The following ATP9B variants were observed in gnomAD, a reference collection of about 807,000 sequenced individuals.
The protein encoded by ATP9B is probable phospholipid-transporting ATPase IIB.
Under a neutral mutation model 146.1 loss-of-function variants are expected in ATP9B, and 110 were observed. The observed-to-expected ratio is 0.75, with a 90% CI of 0.65 to 0.88. The LOEUF (loss-of-function observed/expected upper bound fraction) is 0.88. Among genes scored for constraint, ATP9B ranks in the 40% least tolerant of loss-of-function variants. ATP9B has a pLI of 0.00. For synonymous variants in ATP9B, 604 were observed against 569.7 expected, an observed-to-expected ratio of 1.06 and a Z score of -0.86; for missense variants, 1,499 against 1,496.4, an observed-to-expected ratio of 1.00 and a Z score of -0.03.
Position 79,373,935 on chromosome 18 carries a change from G to T in ATP9B, c.3108G>T (p.Glu1036Asp). 1 of 1,613,524 alleles carries T rather than the reference G, an allele frequency of 6.2e-7. No homozygotes were observed. The highest frequency in any genetic ancestry group is 2.2e-5 in the East Asian group (1 of 44,878). The change falls in exon 28 of 30, where the codon GAG becomes GAT. Residue 1036 changes from glutamate (E) to aspartate (D), a missense_variant. Transcript: ENST00000426216. ...ILMYGALVLF[E>D]SEFVHVVAIS... ...TGTATGGGGCCCTGGTGCTCTTCGA[G>T]TCTGAGTTCGTCCACGTGGTGGCCA...
rs375704520 is a variant in ATP9B, at chr18:79,344,360, G to T, written c.2472+6G>T. 1.2e-6 allele frequency: 2 copies of T among 1,613,724 alleles called. No homozygotes were observed. Among genetic ancestry groups the T allele is most frequent in the Non-Finnish European group, 8.5e-7 (1 of 1,179,678 alleles). On this transcript the variant is annotated splice_donor_region_variant and intron_variant, in intron 21 of 29. Transcript: ENST00000426216. Reference sequence around the variant, plus strand: ...TATCTGGGGACTCTCTGGAGGTAAGGCTGGACCCTGAGTGAGTACATGTCT... The same window carrying T: ...TATCTGGGGACTCTCTGGAGGTAAGTCTGGACCCTGAGTGAGTACATGTCT...
intron 2 of ATP9B, among the ~76,000 whole-genome samples, chr18:79,106,621 C>T (rs368966275): frequency 1.3e-5 from 2 of 152,114 alleles, no homozygotes; most frequent in East Asian, 1.9e-4. Flanking sequence ...TTTATTCTGT[C>T]TGTACACAAT....
At chr18:79,126,811 T>C (rs1179188557) in intron 5 of ATP9B, among the ~76,000 whole-genome samples, 2 of 152,210 alleles carry the variant, frequency 1.3e-5, no homozygotes, top group Admixed American at 1.3e-4. Context: ...GAAATAAATA[T>C]CGTGATCCAA....
At chr18:79,207,658 G>A (rs956092421) in intron 10 of ATP9B, among the ~76,000 whole-genome samples, 3 of 151,984 alleles carry the variant, frequency 2.0e-5, no homozygotes, top group African/African-American at 7.2e-5. Context: ...GAGAGTGCCC[G>A]AAAGGTGATG....
At chr18:79,150,355 C>T (rs886850931) in intron 6 of ATP9B, among the ~76,000 whole-genome samples, 13 of 152,014 alleles carry the variant, frequency 8.6e-5, no homozygotes, top group African/African-American at 2.9e-4. Flanking sequence ...AACAGTTGCA[C>T]TCCTGGACGT....
At chr18:79,213,772 T>G (rs1018089483) in intron 10 of ATP9B, among the ~76,000 whole-genome samples, 190 bp from the exon 11 acceptor site, 1 of 152,164 alleles carries the variant, frequency 6.6e-6, no homozygotes, top group African/African-American at 2.4e-5. Flanking sequence ...ATCATTTGAC[T>G]TTTTCAAAGT....
chr18:79,241,976 C>G (rs942425444), intron 11 of ATP9B, among the ~76,000 whole-genome samples: 2 of 152,222 alleles, frequency 1.3e-5, no homozygotes, highest in Non-Finnish European at 2.9e-5. Flanking sequence ...ATGCTGCTGC[C>G]TTTAGAGCGG....
At chr18:79,364,821 C>A (rs1055817144) in intron 26 of ATP9B, among the ~76,000 whole-genome samples, 1 of 152,080 alleles carries the variant, frequency 6.6e-6, no homozygotes, top group Non-Finnish European at 1.5e-5. Context: ...CCCAGAAGCT[C>A]AATACCAGTC....
intron 8 of ATP9B, among the ~76,000 whole-genome samples, chr18:79,185,369 CAG>C (rs1247469166): frequency 1.3e-5 from 2 of 151,948 alleles, no homozygotes; most frequent in Non-Finnish European, 2.9e-5. Context: ...TTATTAGTGA[CAG>C]ATATATACAC....
chr18:79,131,352 G>A (rs1277415151), intron 5 of ATP9B, among the ~76,000 whole-genome samples: 1 of 152,138 alleles, frequency 6.6e-6, no homozygotes, highest in Non-Finnish European at 1.5e-5. Context: ...TTAGAAAATA[G>A]GCAAAGGACC....
At chr18:79,162,462 G>C (rs2094897819) in intron 7 of ATP9B, among the ~76,000 whole-genome samples, 1 of 152,164 alleles carries the variant, frequency 6.6e-6, no homozygotes, top group South Asian at 2.1e-4. Context: ...TAATGCTTTA[G>C]AACTAATTTT....
intron 10 of ATP9B, among the ~76,000 whole-genome samples, chr18:79,208,200 G>A (rs955090222): frequency 3.3e-5 from 5 of 152,300 alleles, no homozygotes; most frequent in African/African-American, 4.8e-5. Context: ...AACCGAGATC[G>A]CGCCACTGCA....
intron 9 of ATP9B, among the ~76,000 whole-genome samples, chr18:79,205,819 T>C (rs1332166494): frequency 2.0e-5 from 3 of 152,220 alleles, no homozygotes; most frequent in African/African-American, 7.2e-5. Flanking sequence ...AAAACTAGAC[T>C]GTACATATTG....
At chr18:79,190,537 C>CACACAT (rs2095355124) in intron 8 of ATP9B, among the ~76,000 whole-genome samples, 1 of 141,348 alleles carries the variant, frequency 7.1e-6, no homozygotes, top group African/African-American at 2.6e-5. Flanking sequence ...CACACACACA[C>CACACAT]ACACACACAT....
chr18:79,351,312 C>T (rs2096921172), intron 25 of ATP9B, among the ~76,000 whole-genome samples: 1 of 152,222 alleles, frequency 6.6e-6, no homozygotes, highest in Non-Finnish European at 1.5e-5. Context: ...GAGTGCTCTG[C>T]AGCGTCCCCA....
At chr18:79,177,616 A>G (rs973987554) in intron 8 of ATP9B, among the ~76,000 whole-genome samples, 2 of 152,240 alleles carry the variant, frequency 1.3e-5, no homozygotes, top group Non-Finnish European at 2.9e-5. Context: ...CCAATTAAAA[A>G]GTACATACAT....
At chr18:79,308,510 A>T (rs2096631547) in intron 15 of ATP9B, among the ~76,000 whole-genome samples, 3 of 152,180 alleles carry the variant, frequency 2.0e-5, no homozygotes, top group Admixed American at 6.5e-5. Flanking sequence ...GCACCTTTGA[A>T]ACCTTTTGCT....
At chr18:79,128,590 C>T (rs12607019) in intron 5 of ATP9B, among the ~76,000 whole-genome samples, 38,745 of 151,918 alleles carry the variant, frequency 0.26, 5,283 homozygotes, top group East Asian at 0.5. Flanking sequence ...CCAAATGGCC[C>T]GGTAAATTGT....
At chr18:79,182,242 G>A (rs9962579) in intron 8 of ATP9B, among the ~76,000 whole-genome samples, 85,342 of 151,900 alleles carry the variant, frequency 0.56, 25,678 homozygotes, top group African/African-American at 0.79. Flanking sequence ...TCAAAACTCA[G>A]CTCTCCAACT....
Sources: gnomAD v4.1 joint callset for allele counts (sites outside exome capture counted in the v4.1 genomes callset) on GRCh38, gnomAD v4.1.1 for gene constraint, MANE v1.5 for transcripts, NCBI Gene and HGNC (gene_info 2026-07-23, HGNC 2026-07-21) for gene names.